The following CLCN3 variants were observed in gnomAD, a reference collection of about 807,000 sequenced individuals.
The protein encoded by CLCN3 is H(+)/Cl(-) exchange transporter 3.
In CLCN3, 16 loss-of-function variants were observed where a neutral mutation model predicts 83.4. That is an observed-to-expected ratio of 0.19 (90% CI 0.13 to 0.29). The LOEUF is 0.29. CLCN3 is among the 10% of genes least tolerant of loss of function. The pLI is 1.00. For missense variants in CLCN3, 544 were observed against 1,006.0 expected (o/e 0.54, Z 6.21); for synonymous variants, 322 against 346.2 (o/e 0.93, Z 0.78).
chr4:169,675,951 C>G (rs1298916347), intron 2 of CLCN3, among the ~76,000 whole-genome samples: 2 of 152,086 alleles, frequency 1.3e-5, no homozygotes, highest in African/African-American at 2.4e-5. Flanking sequence ...TATGAAAATA[C>G]TGTGTGTGTG....
At chr4:169,693,228 G>A (rs549520409) in intron 7 of CLCN3, among the ~76,000 whole-genome samples, 100 of 151,988 alleles carry the variant, frequency 6.6e-4, no homozygotes, top group African/African-American at 2.3e-3. Context: ...TTTAATGTTC[G>A]CATTAAAATA....
chr4:169,712,831 T>C (rs1334709113), intron 11 of CLCN3, among the ~76,000 whole-genome samples: 4 of 152,244 alleles, frequency 2.6e-5, no homozygotes, highest in Non-Finnish European at 1.5e-5. Flanking sequence ...TACGATGATA[T>C]AACTTTACCA....
At chr4:169,634,144 C>G (rs542717669) in intron 1 of CLCN3, among the ~76,000 whole-genome samples, 3 of 152,184 alleles carry the variant, frequency 2.0e-5, no homozygotes, top group African/African-American at 7.2e-5. Context: ...TTACCACTTA[C>G]GATTTTTGAG....
At chr4:169,661,692 T>G (rs1265876272) in intron 2 of CLCN3, among the ~76,000 whole-genome samples, 2 of 152,160 alleles carry the variant, frequency 1.3e-5, no homozygotes, top group Admixed American at 6.6e-5. Context: ...AATAAAATTT[T>G]GATATATGTG....
intron 3 of CLCN3, among the ~76,000 whole-genome samples, chr4:169,683,095 A>C (rs1333153551): frequency 6.6e-6 from 1 of 152,204 alleles, no homozygotes; most frequent in Non-Finnish European, 1.5e-5. Flanking sequence ...ATACATTCAG[A>C]GACATTAACA....
intron 3 of CLCN3, among the ~76,000 whole-genome samples, chr4:169,683,091 T>A (rs2150242130): frequency 6.6e-6 from 1 of 152,314 alleles, no homozygotes. Context: ...AAGTATACAT[T>A]CAGAGACATT....
At chr4:169,658,239 TATATA>T (rs139188894) in intron 2 of CLCN3, among the ~76,000 whole-genome samples, 17,592 of 151,308 alleles carry the variant, frequency 0.12, 1,117 homozygotes, top group East Asian at 0.17. Context: ...ATTATATAGA[TATATA>T]TTATATATAC....
chr4:169,626,034 C>T (rs1185223973), intron 1 of CLCN3, among the ~76,000 whole-genome samples: 1 of 152,214 alleles, frequency 6.6e-6, no homozygotes, highest in Non-Finnish European at 1.5e-5. Context: ...AGACTTCCCC[C>T]ACTTCCAGTG....
chr4:169,704,039 G>A lies in CLCN3; in HGVS notation c.1605G>A (p.Ala535=), dbSNP rs374552600. 138 of 1,613,970 alleles carry A rather than the reference G, an allele frequency of 8.6e-5. 1 individual carries two copies. The highest frequency in any genetic ancestry group is 2.3e-4 in the South Asian group (21 of 91,078). The part of the protein sequence containing the change: ...GLFIPSMAIG[A]IAGRIVGIAV... The stretch of plus-strand genomic sequence containing the variant: ...TCATCCCCAGCATGGCCATTGGAGC[G>A]ATCGCAGGAAGGATTGTGGGGATTG... The change falls in exon 10 of 13, where the codon GCG becomes GCA. Residue 535 remains alanine, a synonymous_variant. Coordinates refer to ENST00000513761, the MANE Select transcript of CLCN3 (RefSeq NM_001829.4).
At position 169,697,170 on chromosome 4, in the gene CLCN3, T is replaced by C. The variant is rs773893327; in HGVS notation, c.1018-19T>C. On this transcript the variant is annotated intron_variant, in intron 8 of 12. Transcript: ENST00000513761. Reference sequence around the variant, plus strand: ...TAAAATTATAGCATTAATTTTTCTTTTCCTTTTCTTTTTTTTAGGTTAGCT... The same window carrying C: ...TAAAATTATAGCATTAATTTTTCTTCTCCTTTTCTTTTTTTTAGGTTAGCT... 4.6e-6 allele frequency: 7 copies of C among 1,508,464 alleles called. No individual in the cohort carries two copies. The East Asian group carries it at 1.1e-4, about 24-fold the overall frequency. 93.4% of individuals were successfully genotyped at this position (1,508,464 alleles called of 1,614,324 possible).
At chr4:169,628,361 A>T (rs1288740486) in intron 1 of CLCN3, among the ~76,000 whole-genome samples, 1 of 152,210 alleles carries the variant, frequency 6.6e-6, no homozygotes, top group African/African-American at 2.4e-5. Context: ...TGTTAAAAAG[A>T]TGAAAAGATA....
chr4:169,717,570 C>T (rs1733472938), intron 12 of CLCN3, among the ~76,000 whole-genome samples: 1 of 151,946 alleles, frequency 6.6e-6, no homozygotes, highest in Non-Finnish European at 1.5e-5. Flanking sequence ...GAAAAATAAC[C>T]CACCAATATT....
At chr4:169,713,768 T>C (rs1733315352) in intron 12 of CLCN3, among the ~76,000 whole-genome samples, 1 of 152,264 alleles carries the variant, frequency 6.6e-6, no homozygotes, top group Admixed American at 6.5e-5. Flanking sequence ...AAAGAATATA[T>C]ACTTAAATGA....
intron 11 of CLCN3, among the ~76,000 whole-genome samples, chr4:169,711,885 G>A (rs113258407): frequency 5.9e-5 from 9 of 151,784 alleles, no homozygotes; most frequent in Non-Finnish European, 8.8e-5. Context: ...TTCTTTTTGC[G>A]ACAGAGTCTT....
chr4:169,696,941 G>T (rs1732586955), intron 8 of CLCN3, among the ~76,000 whole-genome samples: 1 of 151,740 alleles, frequency 6.6e-6, no homozygotes, highest in Non-Finnish European at 1.5e-5. Flanking sequence ...ATATAAAACA[G>T]CACTAGGTAT....
intron 9 of CLCN3, among the ~76,000 whole-genome samples, chr4:169,702,251 C>T (rs570933466): frequency 6.6e-6 from 1 of 152,138 alleles, no homozygotes. Flanking sequence ...CTGTCCTGCC[C>T]TGCTCATGCC....
At chr4:169,678,559 C>T (rs1731773759) in intron 2 of CLCN3, among the ~76,000 whole-genome samples, 1 of 151,928 alleles carries the variant, frequency 6.6e-6, no homozygotes, top group African/African-American at 2.4e-5. Context: ...GGCAGAGGAC[C>T]CTGCGGCCTT....
Position 169,704,095 on chromosome 4 carries a change from A to G in CLCN3, c.1661A>G (p.Asp554Gly). The change falls in exon 10 of 13, where the codon GAC becomes GGC. Residue 554 changes from aspartate to glycine, a missense_variant. Asp to Gly is a moderately conservative substitution (Grantham distance 94). Coordinates refer to ENST00000513761, the MANE Select transcript of CLCN3 (RefSeq NM_001829.4). ...AVEQLAYYHH[D>G]WFIFKEWCEV... ...GAGCAGCTTGCCTACTATCACCACG[A>G]CTGGTTTATCTTTAAGGAGTGGTGT... 1 of 1,614,012 alleles carries G rather than the reference A, an allele frequency of 6.2e-7. No individual in the cohort carries two copies. Among genetic ancestry groups the G allele is most frequent in the Admixed American group, 1.7e-5 (1 of 59,992 alleles).
At chr4:169,698,375 C>T (rs552168872) in intron 9 of CLCN3, among the ~76,000 whole-genome samples, 1 of 152,146 alleles carries the variant, frequency 6.6e-6, no homozygotes, top group Non-Finnish European at 1.5e-5. Flanking sequence ...ATCACGCATA[C>T]TGTGTCTCTT....
Sources: allele counts gnomAD v4.1 joint callset (sites outside exome capture counted in the v4.1 genomes callset), GRCh38; gene constraint gnomAD v4.1.1; transcripts MANE v1.5; gene names NCBI Gene and HGNC (gene_info 2026-07-23, HGNC 2026-07-21).